Variants in ZKSCAN5 observed in about 807,000 individuals in gnomAD.
ZKSCAN5 encodes zinc finger protein with KRAB and SCAN domains 5.
Under a neutral mutation model 60.0 loss-of-function variants are expected in ZKSCAN5, and 28 were observed. That is an observed-to-expected ratio of 0.47 (90% CI 0.35 to 0.64). The LOEUF is 0.64. ZKSCAN5 is among the 30% of genes least tolerant of loss of function. The pLI, the probability that ZKSCAN5 is intolerant of heterozygous loss-of-function variation, is 0.01. For synonymous variants in ZKSCAN5, 361 were observed against 371.2 expected, an observed-to-expected ratio of 0.97 and a Z score of 0.31; for missense variants, 881 against 1,034.6, an observed-to-expected ratio of 0.85 and a Z score of 2.04.
Position 99,506,177 on chromosome 7 carries a change from A to G in ZKSCAN5, c.133A>G (p.Thr45Ala). The G allele has an allele frequency of 1.2e-6, 2 of 1,614,164 alleles. No homozygotes were observed. The highest frequency in any genetic ancestry group is 1.7e-6 in the Non-Finnish European group (2 of 1,180,022). Residue 45 changes from threonine to alanine, a missense_variant, in exon 2 of 7, where the codon ACG becomes GCG. Around this residue, in one of 5 missense-constraint regions of ZKSCAN5, gnomAD observed 88 missense variants for 65.2 expected, o/e 1.35. Transcript: ENST00000326775. ...CTGGATGCAGGAGTACAACCCGCCAACGTTTGAGACTTTTTACCAGCGCTT... is the reference window on the plus strand; with the variant it reads ...CTGGATGCAGGAGTACAACCCGCCAGCGTTTGAGACTTTTTACCAGCGCTT... ...CTWMQEYNPPTFETFYQRFRH... is the reference protein window; with the variant it reads ...CTWMQEYNPPAFETFYQRFRH...
chr7:99,510,313 T>C (rs1800960299), intron 2 of ZKSCAN5, among the ~76,000 whole-genome samples: 1 of 152,060 alleles, frequency 6.6e-6, no homozygotes, highest in Non-Finnish European at 1.5e-5. Flanking sequence ...GATCTTGGCT[T>C]ACTGCAACCT....
chr7:99,510,332 G>A (rs370410365), intron 2 of ZKSCAN5, among the ~76,000 whole-genome samples: 112 of 151,920 alleles, frequency 7.4e-4, no homozygotes, highest in Admixed American at 6.6e-3. Flanking sequence ...CTCTGCCTCC[G>A]GGTTGATTCT....
At chr7:99,514,057 GAATACTGTCACAC>G (rs1322943284) in intron 3 of ZKSCAN5, among the ~76,000 whole-genome samples, 1 of 151,988 alleles carries the variant, frequency 6.6e-6, no homozygotes, top group Non-Finnish European at 1.5e-5. Flanking sequence ...AAAAAGAAAA[GAATACTGTCACAC>G]AATGCTTTTA....
Position 99,525,910 on chromosome 7 carries a change from T to C in ZKSCAN5, c.870T>C (p.Val290=). ...CGCCAGAACACACCGAAAGGAGCGTTCCTCAGGATCCAGACTTTGCAGAAG... is the reference window on the plus strand; with the variant it reads ...CGCCAGAACACACCGAAAGGAGCGTCCCTCAGGATCCAGACTTTGCAGAAG... The part of the protein sequence containing the change: ...WVAPEHTERS[V]PQDPDFAEVS... The change falls in exon 6 of 7, where the codon GTT becomes GTC. Residue 290 remains valine (V), a synonymous_variant. Coordinates refer to ENST00000326775, the MANE Select transcript of ZKSCAN5 (RefSeq NM_145102.4). The C allele has an allele frequency of 6.2e-7, 1 of 1,614,052 alleles. No individual in the cohort carries two copies. The highest frequency in any genetic ancestry group is 1.1e-5 in the South Asian group (1 of 91,072).
At chr7:99,508,791 TTTTCTTTCTTTC>T (rs761889564) in intron 2 of ZKSCAN5, among the ~76,000 whole-genome samples, 4 of 149,874 alleles carry the variant, frequency 2.7e-5, no homozygotes, top group Admixed American at 1.3e-4. Context: ...TCTGTGAAAT[TTTTCTTTCTTTC>T]TTTCTTTCTT....
At chr7:99,506,512 T>C (rs1800738618) in intron 2 of ZKSCAN5, 54 bp downstream of exon 2, 1 of 1,532,486 alleles carries the variant, frequency 6.5e-7, no homozygotes, top group African/African-American at 1.4e-5. Flanking sequence ...AACCATCTGC[T>C]GAGCAGGGGT....
At position 99,531,167 on chromosome 7, in the gene ZKSCAN5, T is replaced by G; in HGVS notation, c.1438T>G (p.Ser480Ala). 6.2e-7 allele frequency: 1 copy of G among 1,610,504 alleles called. No homozygotes were observed. The highest frequency in any genetic ancestry group is 1.7e-5 in the Admixed American group (1 of 59,094). ...TGTTAAGAAGAAAATTTCAGAATAT[T>G]CAGAAGCAGACATGGAACTATCTGG... ...LSVKKKISEY[S>A]EADMELSGKT... The change falls in exon 7 of 7, where the codon TCA (serine) becomes GCA (alanine). Residue 480 changes from serine (S) to alanine (A), a missense_variant. Physicochemically the swap from Ser to Ala is moderately conservative, Grantham distance 99 (BLOSUM62 1). This residue lies in a region of ZKSCAN5 where 490 missense variants were observed against 554.5 expected (regional missense o/e 0.88). Coordinates refer to ENST00000326775, the MANE Select transcript of ZKSCAN5 (RefSeq NM_145102.4).
intron 5 of ZKSCAN5, 54 bp from the exon 6 acceptor site, chr7:99,525,759 T>C: frequency 5.2e-6 from 8 of 1,550,956 alleles, no homozygotes; most frequent in Non-Finnish European, 6.9e-6. Context: ...CCTCATTTTA[T>C]TTCTTCAAAT....
At chr7:99,530,471 A>G (rs1801993079) in intron 6 of ZKSCAN5, among the ~76,000 whole-genome samples, 1 of 151,584 alleles carries the variant, frequency 6.6e-6, no homozygotes, top group African/African-American at 2.4e-5. Flanking sequence ...TATTATTTTG[A>G]GAACTGTCTC....
chr7:99,515,055 G>C (rs997488182), intron 3 of ZKSCAN5, among the ~76,000 whole-genome samples: 39 of 151,888 alleles, frequency 2.6e-4, no homozygotes, highest in African/African-American at 9.4e-4. Flanking sequence ...GTCCAGCTTG[G>C]GAGCCAGACT....
In ZKSCAN5 at chr7:99,526,105, C is replaced by T; in HGVS notation, c.1065C>T (p.Phe355=). ...GHRCSDCGKF[F]LQASNFIQHR... is the part of the protein sequence containing the mutation. Reference sequence around the variant, plus strand: ...GATGCAGCGATTGTGGCAAATTCTTCCTCCAAGCCTCAAACTTTATTCAGC... The same window carrying T: ...GATGCAGCGATTGTGGCAAATTCTTTCTCCAAGCCTCAAACTTTATTCAGC... The change falls in exon 6 of 7, where the codon TTC becomes TTT. Residue 355 remains phenylalanine (F), a synonymous_variant. Transcript: ENST00000326775. 6.2e-7 allele frequency: 1 copy of T among 1,614,184 alleles called. No homozygotes were observed.
Position 99,526,209 on chromosome 7 carries a change from C to G in ZKSCAN5, c.1169C>G (p.Thr390Ser). 6.2e-7 allele frequency: 1 copy of G among 1,614,176 alleles called. No homozygotes were observed. The highest frequency in any genetic ancestry group is 8.5e-7 in the Non-Finnish European group (1 of 1,180,034). ...AGCTACAATCAGCGGGTGCACCTCACCCAGCACCAGCGCGTCCACACAGGG... is the reference window on the plus strand; with the variant it reads ...AGCTACAATCAGCGGGTGCACCTCAGCCAGCACCAGCGCGTCCACACAGGG... ...GKSYNQRVHL[T>S]QHQRVHTGEK... Residue 390 changes from threonine to serine, a missense_variant, in exon 6 of 7, where the codon ACC becomes AGC. By Grantham distance (58) the Thr-to-Ser change is moderately conservative. Transcript: ENST00000326775.
rs1225767440 is a variant in ZKSCAN5 at position 99,506,191 on chromosome 7, T to C, written c.147T>C (p.Phe49=). The C allele has an allele frequency of 9.3e-6, 15 of 1,614,166 alleles. No individual in the cohort carries two copies. The highest frequency in any genetic ancestry group is 1.3e-5 in the Non-Finnish European group (15 of 1,180,028). The change falls in exon 2 of 7, where the codon TTT becomes TTC. Residue 49 remains phenylalanine, a synonymous_variant. Coordinates refer to ENST00000326775, the MANE Select transcript of ZKSCAN5 (RefSeq NM_145102.4). ...ACAACCCGCCAACGTTTGAGACTTT[T>C]TACCAGCGCTTCAGGCACTTCCAGT... ...QEYNPPTFET[F]YQRFRHFQYH... is the part of the protein sequence containing the mutation.
intron 6 of ZKSCAN5, among the ~76,000 whole-genome samples, chr7:99,530,311 A>T (rs1185199815): frequency 6.6e-6 from 1 of 152,112 alleles, no homozygotes; most frequent in Non-Finnish European, 1.5e-5. Flanking sequence ...CTGGGATTAC[A>T]GGTGTGAGCC....
At chr7:99,516,797 T>TTGC (rs142976618) in intron 3 of ZKSCAN5, among the ~76,000 whole-genome samples, 2 of 152,228 alleles carry the variant, frequency 1.3e-5, no homozygotes, top group South Asian at 4.1e-4. Context: ...GGAAAAGGCT[T>TTGC]TGCTGCTGCT....
At chr7:99,505,854 G>A in intron 1 of ZKSCAN5, 151 bp from the exon 2 acceptor site, 1 of 582,042 alleles carries the variant, frequency 1.7e-6, no homozygotes, top group Non-Finnish European at 2.9e-6. Flanking sequence ...CTATTTTTAA[G>A]TAAATTACTT....
At chr7:99,507,451 G>GTA (rs1177888862) in intron 2 of ZKSCAN5, among the ~76,000 whole-genome samples, 1 of 149,642 alleles carries the variant, frequency 6.7e-6, no homozygotes, top group East Asian at 1.9e-4. Context: ...GCGTATATAT[G>GTA]TATATATATG....
intron 6 of ZKSCAN5, among the ~76,000 whole-genome samples, chr7:99,529,070 A>T (rs1801932546): frequency 6.6e-6 from 1 of 151,976 alleles, no homozygotes; most frequent in South Asian, 2.1e-4. Flanking sequence ...CTGACTGCAT[A>T]CCCTCTTCAT....
At chr7:99,505,153 CG>C (rs939644538) in intron 1 of ZKSCAN5, 4 of 151,692 alleles carry the variant, frequency 2.6e-5, no homozygotes, top group African/African-American at 4.9e-5. Context: ...GTCCGCCCCC[CG>C]TGCGAGGTGA....
Sources: allele counts gnomAD v4.1 joint callset (sites outside exome capture counted in the v4.1 genomes callset), GRCh38; gene constraint gnomAD v4.1.1; regional missense constraint gnomAD v4.1.1; transcripts MANE v1.5; gene names NCBI Gene and HGNC (gene_info 2026-07-23, HGNC 2026-07-21).